Variants in CNTN4 observed in about 807,000 individuals in gnomAD.
CNTN4 encodes contactin 4, also known as contactin-4.
Under a neutral mutation model 122.5 loss-of-function variants are expected in CNTN4, and 77 were observed. The ratio of observed to expected loss-of-function variants is 0.63; its 90% CI spans 0.52 to 0.76. The LOEUF is 0.76. Ranked by LOEUF, CNTN4 falls within the 30% of genes least tolerant of loss-of-function variation. The probability of loss-of-function intolerance (pLI) is 0.00; values close to 1 mark genes in which losing one functional copy is unlikely to be tolerated. For missense variants in CNTN4, 1,256 were observed against 1,259.1 expected (o/e 1.00, Z 0.04); for synonymous variants, 512 against 447.0 (o/e 1.15, Z -1.83).
At chr3:2,427,900 C>CTT (rs554723332) in intron 3 of CNTN4, among the ~76,000 whole-genome samples, 1 of 151,684 alleles carries the variant, frequency 6.6e-6, no homozygotes, top group Admixed American at 6.6e-5. Flanking sequence ...CAACCCCTGC[C>CTT]TTTTTTTGTT....
At chr3:2,572,318 G>A (rs575917574) in intron 4 of CNTN4, among the ~76,000 whole-genome samples, 5 of 152,230 alleles carry the variant, frequency 3.3e-5, no homozygotes, top group South Asian at 2.1e-4. Flanking sequence ...CCCAGAAGGC[G>A]AAGGTTGCAG....
At chr3:2,134,944 A>C (rs1195988325) in intron 2 of CNTN4, among the ~76,000 whole-genome samples, 1 of 152,118 alleles carries the variant, frequency 6.6e-6, no homozygotes, top group Non-Finnish European at 1.5e-5. Context: ...TCACAGACAC[A>C]CCCAGAAGTA....
At chr3:2,729,885 G>A (rs1368353322) in intron 4 of CNTN4, among the ~76,000 whole-genome samples, 1 of 152,176 alleles carries the variant, frequency 6.6e-6, no homozygotes, top group African/African-American at 2.4e-5. Flanking sequence ...CTGTACTCCA[G>A]CCTGAGTGAC....
In CNTN4 at chr3:2,781,751, G is replaced by GTC. The variant is rs2091579245; in HGVS notation, c.358+36055_358+36056insCT. On this transcript the variant is annotated intron_variant, in intron 6 of 24. Transcript: ENST00000418658. Reference sequence around the variant, plus strand: ...TTTTTTTTTTTTTTTTTGAGACGGAGTGTCGCTCTGTCGCCCAGGCTGGAG... The same window carrying GTC: ...TTTTTTTTTTTTTTTTTGAGACGGAGTCTGTCGCTCTGTCGCCCAGGCTGGAG... 2.5e-5 allele frequency among the ~76,000 whole-genome samples: 3 copies of GTC among 121,312 alleles called. No homozygotes were observed. The Admixed American group carries it at 2.7e-4, about 11-fold the overall frequency. 79.6% of individuals were successfully genotyped at this position (121,312 alleles called of 152,430 possible). A position where few individuals can be genotyped will look rare whatever the true frequency, so the allele number is the denominator to read the frequency against.
intron 2 of CNTN4, among the ~76,000 whole-genome samples, chr3:2,271,596 G>A (rs766640392): frequency 1.2e-4 from 18 of 151,952 alleles, no homozygotes; most frequent in South Asian, 6.2e-4. Context: ...GTTTTAATAG[G>A]GAAAGTATTG....
chr3:2,204,150 T>A (rs145914269), intron 2 of CNTN4, among the ~76,000 whole-genome samples: 2,098 of 152,296 alleles, frequency 0.014, 22 homozygotes, highest in Middle Eastern at 0.051. Flanking sequence ...TCAGGAGTCA[T>A]GTGAATACTT....
At chr3:2,975,016 A>G (rs1693291665) in intron 13 of CNTN4, among the ~76,000 whole-genome samples, 1 of 152,190 alleles carries the variant, frequency 6.6e-6, no homozygotes, top group African/African-American at 2.4e-5. Context: ...TTAATAATTA[A>G]TATTGTCTTC....
intron 14 of CNTN4, among the ~76,000 whole-genome samples, chr3:2,991,964 G>T (rs1237860264): frequency 1.3e-5 from 2 of 152,198 alleles, no homozygotes; most frequent in Non-Finnish European, 2.9e-5. Flanking sequence ...TCGGGCGTCA[G>T]AACATATCTT....
chr3:2,591,058 T>C (rs1461661669), intron 4 of CNTN4, among the ~76,000 whole-genome samples: 1 of 152,178 alleles, frequency 6.6e-6, no homozygotes, highest in African/African-American at 2.4e-5. Flanking sequence ...AAACAGTGCC[T>C]AGACCATCAC....
rs1307735858 is a variant in CNTN4 at position 2,125,917 on chromosome 3, GTGTGTGTGTGTA to G, written c.-145+25286_-145+25297del. 7.7e-4 allele frequency among the ~76,000 whole-genome samples: 116 copies of G among 151,570 alleles called. 1 individual carries two copies. The highest frequency in any genetic ancestry group is 2.5e-3 in the African/African-American group (105 of 41,250). On this transcript the variant is annotated intron_variant, in intron 2 of 24. Coordinates refer to ENST00000418658, the MANE Select transcript of CNTN4 (RefSeq NM_175607.3). ...CTGGTGTGTGTGTGTGTGTGTGTGT[GTGTGTGTGTGTA>G]TGTGTGTATGTGTGTGTGTTTTAAT...
intron 6 of CNTN4, among the ~76,000 whole-genome samples, chr3:2,784,528 T>C (rs1207188456): frequency 1.3e-5 from 2 of 152,160 alleles, no homozygotes; most frequent in Admixed American, 1.3e-4. Flanking sequence ...AGTTAAACCA[T>C]ACTCTGATGC....
intron 4 of CNTN4, among the ~76,000 whole-genome samples, chr3:2,701,529 T>C (rs144169420): frequency 2.6e-5 from 4 of 152,226 alleles, no homozygotes; most frequent in East Asian, 1.9e-4. Flanking sequence ...CTTATCCAAT[T>C]TGTGTTTTGC....
At chr3:2,564,549 A>G (rs2079078880) in intron 3 of CNTN4, among the ~76,000 whole-genome samples, 1 of 152,174 alleles carries the variant, frequency 6.6e-6, no homozygotes, top group Non-Finnish European at 1.5e-5. Flanking sequence ...GAATAATGTA[A>G]TTCAAAGTTT....
At chr3:2,265,772 T>G (rs2041019127) in intron 2 of CNTN4, among the ~76,000 whole-genome samples, 1 of 151,718 alleles carries the variant, frequency 6.6e-6, no homozygotes, top group African/African-American at 2.4e-5. Context: ...ATATTTTTTT[T>G]TGTGGAGATC....
At chr3:3,023,040 G>A (rs1003625356) in intron 14 of CNTN4, among the ~76,000 whole-genome samples, 1 of 152,116 alleles carries the variant, frequency 6.6e-6, no homozygotes, top group Non-Finnish European at 1.5e-5. Context: ...AAGGAGAGGA[G>A]ACAGTTTGTT....
chr3:2,201,855 TATG>T lies in CNTN4; in HGVS notation c.-145+101219_-145+101221del, dbSNP rs570086355. 6.2e-4 allele frequency among the ~76,000 whole-genome samples: 95 copies of T among 152,344 alleles called. 1 individual carries two copies. The highest frequency in any genetic ancestry group is 2.2e-3 in the African/African-American group (90 of 41,590). ...TTTATCAGATAGACAGTGAGCCATT[TATG>T]ATAATATACAGAAACTGACATAATG... On this transcript the variant is annotated intron_variant, in intron 2 of 24. Coordinates refer to ENST00000418658, the MANE Select transcript of CNTN4 (RefSeq NM_175607.3).
intron 3 of CNTN4, among the ~76,000 whole-genome samples, chr3:2,505,143 A>T (rs2076699311): frequency 6.6e-6 from 1 of 152,150 alleles, no homozygotes; most frequent in African/African-American, 2.4e-5. Context: ...TTTCTGGAGA[A>T]GCTTTATTTG....
intron 12 of CNTN4, among the ~76,000 whole-genome samples, chr3:2,919,377 AC>A (rs1227245254): frequency 2.1e-5 from 3 of 145,754 alleles, no homozygotes; most frequent in African/African-American, 5.1e-5. Flanking sequence ...AAAAAAAAAA[AC>A]CAGATCGTTG....
chr3:2,488,667 A>T (rs2151644077), intron 3 of CNTN4, among the ~76,000 whole-genome samples: 1 of 152,286 alleles, frequency 6.6e-6, no homozygotes, highest in Admixed American at 6.5e-5. Flanking sequence ...TTAGCCTATG[A>T]TAAAATTGGT....
Sources: allele counts gnomAD v4.1 joint callset (sites outside exome capture counted in the v4.1 genomes callset), GRCh38; gene constraint gnomAD v4.1.1; transcripts MANE v1.5; gene names NCBI Gene and HGNC (gene_info 2026-07-23, HGNC 2026-07-21).